Variants in ZNF469 observed in about 807,000 individuals in gnomAD.
ZNF469 encodes zinc finger protein 469.
ZNF469 carries 1 observed loss-of-function variant against 1.0 expected under a neutral mutation model. The observed-to-expected ratio is 1.00, with a 90% CI of 0.35 to 4.73. The LOEUF is 4.73. Among genes scored for constraint, ZNF469 ranks in the 30% most tolerant of loss-of-function variants. The pLI is 0.16. For missense variants in ZNF469, 6,100 were observed against 5,356.3 expected (o/e 1.14, Z -4.33); for synonymous variants, 2,703 against 2,363.4 (o/e 1.14, Z -4.17).
At chr16:88,337,113 G>A in the ZNF469 span, among the ~76,000 whole-genome samples, 2 of 152,206 alleles carry the variant, frequency 1.3e-5, no homozygotes, top group Non-Finnish European at 2.9e-5. Context: ...CCACGCTGGG[G>A]CTATGGTGAG....
chr16:88,155,082 T>C, the ZNF469 span, among the ~76,000 whole-genome samples: 2 of 152,196 alleles, frequency 1.3e-5, no homozygotes, highest in Non-Finnish European at 2.9e-5. Context: ...ACCACAATGC[T>C]GCTGGTTCAC....
the ZNF469 span, among the ~76,000 whole-genome samples, chr16:88,349,556 C>A: frequency 6.6e-6 from 1 of 150,652 alleles, no homozygotes. Context: ...GCACACACCA[C>A]ACCCAAGTGC....
the ZNF469 span, among the ~76,000 whole-genome samples, chr16:88,167,164 C>T: frequency 0.88 from 132,328 of 150,750 alleles, 58,394 homozygotes; most frequent in Non-Finnish European, 0.92. Flanking sequence ...CGGGTTCAAG[C>T]GATTCTCCTG....
chr16:88,281,010 A>C, the ZNF469 span, among the ~76,000 whole-genome samples: 4 of 132,694 alleles, frequency 3.0e-5, no homozygotes, highest in South Asian at 4.8e-4. Flanking sequence ...CAATTTTGGC[A>C]CACAGATTAG....
the ZNF469 span, among the ~76,000 whole-genome samples, chr16:88,165,906 C>G: frequency 6.6e-6 from 1 of 152,238 alleles, no homozygotes; most frequent in Non-Finnish European, 1.5e-5. Context: ...TCAGTCAGCA[C>G]AAAGCCCCCG....
the ZNF469 span, among the ~76,000 whole-genome samples, chr16:88,339,751 GA>G: frequency 2.8e-4 from 29 of 101,846 alleles, no homozygotes; most frequent in African/African-American, 1.1e-3. Context: ...GGGGATGGGG[GA>G]CAGACTGGCA....
At chr16:88,249,750 T>C in the ZNF469 span, among the ~76,000 whole-genome samples, 1 of 152,216 alleles carries the variant, frequency 6.6e-6, no homozygotes, top group African/African-American at 2.4e-5. Flanking sequence ...TTTTAATTTT[T>C]TTATAGAGAC....
the ZNF469 span, among the ~76,000 whole-genome samples, chr16:88,317,642 G>A: frequency 6.6e-6 from 1 of 152,210 alleles, no homozygotes; most frequent in Non-Finnish European, 1.5e-5. Flanking sequence ...CAGCTCTCTG[G>A]CCGGTGCAGA....
the ZNF469 span, among the ~76,000 whole-genome samples, chr16:88,258,584 T>A: frequency 6.6e-6 from 1 of 152,158 alleles, no homozygotes; most frequent in African/African-American, 2.4e-5. Context: ...TTCTTCGTGG[T>A]GACTCTAGCT....
chr16:88,291,544 C>T, the ZNF469 span, among the ~76,000 whole-genome samples: 12 of 152,138 alleles, frequency 7.9e-5, no homozygotes, highest in Non-Finnish European at 2.9e-5. Flanking sequence ...GGGCTCAGCA[C>T]GCGGCTTGCC....
At chr16:88,361,475 C>G in the ZNF469 span, among the ~76,000 whole-genome samples, 12 of 152,228 alleles carry the variant, frequency 7.9e-5, no homozygotes, top group Non-Finnish European at 1.2e-4. Context: ...TCCCAGAAGA[C>G]TGATGATGTT....
At chr16:88,425,557 G>T (rs1157420336) in intron 2 of ZNF469, among the ~76,000 whole-genome samples, 1 of 152,164 alleles carries the variant, frequency 6.6e-6, no homozygotes, top group African/African-American at 2.4e-5. Context: ...CCTTGAGCGG[G>T]TTCCCCACCT....
At chr16:88,272,968 G>A in the ZNF469 span, among the ~76,000 whole-genome samples, 2 of 150,468 alleles carry the variant, frequency 1.3e-5, no homozygotes, top group African/African-American at 4.9e-5. Context: ...GTGGATAGAC[G>A]AGTGGACGGA....
intron 1 of ZNF469, among the ~76,000 whole-genome samples, chr16:88,397,765 C>T (rs1003047762): frequency 2.0e-5 from 3 of 152,036 alleles, no homozygotes; most frequent in African/African-American, 4.8e-5. Flanking sequence ...TATGGTCATT[C>T]GAACGAAGGT....
chr16:88,427,462 G>C lies in ZNF469; in HGVS notation c.-9G>C. 6.7e-7 allele frequency: 1 copy of C among 1,495,042 alleles called. No individual in the cohort carries two copies. Among genetic ancestry groups the C allele is most frequent in the Non-Finnish European group, 8.9e-7 (1 of 1,124,064 alleles). The allele number at this position is 1,495,042 out of a possible 1,614,324, so 92.6% of individuals were successfully genotyped here. Reference sequence around the variant, plus strand: ...AGCTGCGTCGTCCTAGCGCCAGGACGGAGGGGCCATGCCTGGGGAGCGCCC... The same window carrying C: ...AGCTGCGTCGTCCTAGCGCCAGGACCGAGGGGCCATGCCTGGGGAGCGCCC... On this transcript the variant is annotated 5_prime_UTR_variant, in exon 3 of 3. Transcript: ENST00000565624.
the ZNF469 span, among the ~76,000 whole-genome samples, chr16:88,114,424 C>T: frequency 7.0e-6 from 1 of 143,392 alleles, no homozygotes; most frequent in Admixed American, 7.0e-5. Context: ...GGACCACACT[C>T]ACTGCGGGGG....
the ZNF469 span, among the ~76,000 whole-genome samples, chr16:88,302,168 G>A: frequency 0.56 from 85,661 of 151,712 alleles, 25,394 homozygotes; most frequent in East Asian, 0.77. Flanking sequence ...GGGGGTAACC[G>A]ACGCCAGGGA....
chr16:88,163,821 A>G, the ZNF469 span, among the ~76,000 whole-genome samples: 123,446 of 151,006 alleles, frequency 0.82, 50,886 homozygotes, highest in African/African-American at 0.86. Flanking sequence ...GGGTGGCTGG[A>G]TGCAGGGATG....
the ZNF469 span, among the ~76,000 whole-genome samples, chr16:88,262,716 G>A: frequency 6.6e-6 from 1 of 152,114 alleles, no homozygotes; most frequent in Non-Finnish European, 1.5e-5. This position sits in a 1 kb window ranked among gnomAD's most constrained non-coding sequence, Gnocchi z 4.3. Flanking sequence ...ACGCATCTCG[G>A]AAGGCTTGAT....
Sources: allele counts gnomAD v4.1 joint callset (sites outside exome capture counted in the v4.1 genomes callset), GRCh38; gene constraint gnomAD v4.1.1; non-coding constraint Gnocchi (gnomAD v3.1); transcripts MANE v1.5; gene names NCBI Gene and HGNC (gene_info 2026-07-23, HGNC 2026-07-21).